The following ARHGEF10 variants were observed in gnomAD, a reference collection of about 807,000 sequenced individuals.
ARHGEF10 encodes Rho guanine nucleotide exchange factor 10, also known as Rho guanine nucleotide exchange factor (GEF) 10.
In ARHGEF10, 140 loss-of-function variants were observed where a neutral mutation model predicts 147.4. The observed-to-expected ratio is 0.95, with a 90% CI of 0.83 to 1.09. The LOEUF is 1.09. Ranked by LOEUF, ARHGEF10 falls within the 50% of genes least tolerant of loss-of-function variation. ARHGEF10 has a pLI of 0.00. For synonymous variants in ARHGEF10, 902 were observed against 695.8 expected (o/e 1.30, Z -4.67); for missense variants, 2,222 against 1,752.7 (o/e 1.27, Z -4.78).
intron 2 of ARHGEF10, among the ~76,000 whole-genome samples, chr8:1,852,657 A>G (rs1030351097): frequency 6.6e-6 from 1 of 152,232 alleles, no homozygotes; most frequent in African/African-American, 2.4e-5. Context: ...GGGCATGGTC[A>G]TATTATGTCA....
At chr8:1,874,216 C>A (rs1450121334) in intron 7 of ARHGEF10, among the ~76,000 whole-genome samples, 3 of 152,194 alleles carry the variant, frequency 2.0e-5, no homozygotes, top group Non-Finnish European at 4.4e-5. Flanking sequence ...TGCTGGGGGT[C>A]ACAACAGCAA....
At chr8:1,881,568 C>A (rs960628978) in intron 9 of ARHGEF10, among the ~76,000 whole-genome samples, 1 of 151,976 alleles carries the variant, frequency 6.6e-6, no homozygotes, top group Non-Finnish European at 1.5e-5. Context: ...GGGGAGCCCC[C>A]GGGGGATGGG....
rs117336440 is a variant in ARHGEF10, at chr8:1,861,559, G to A, written c.481+1375G>A. Among the ~76,000 whole-genome samples, 90 of 152,274 alleles carry A rather than the reference G, an allele frequency of 5.9e-4. No homozygotes were observed. In the East Asian group the frequency reaches 0.016, roughly 27 times the overall value. ...TCTAATGGAAGCCCACAGCCTCTAC[G>A]CCTGAGACATGATTCTTATTCCTGT... On this transcript the variant is annotated intron_variant, in intron 4 of 28. Transcript: ENST00000349830.
At position 1,933,881 on chromosome 8, in the gene ARHGEF10, C is replaced by T. The variant is rs141078341; in HGVS notation, c.3161C>T (p.Thr1054Met). The T allele has an allele frequency of 5.0e-6, 8 of 1,614,026 alleles. No individual in the cohort carries two copies. The highest frequency in any genetic ancestry group is 2.2e-5 in the South Asian group (2 of 91,086). The change falls in exon 26 of 29, where the codon ACG becomes ATG. Residue 1054 changes from threonine to methionine, a missense_variant. Transcript: ENST00000349830. Reference protein sequence around the residue: ...PVRSLLMMEDTLWAASGGQVF... With the variant: ...PVRSLLMMEDMLWAASGGQVF... ...AGAAGTCTACTCATGATGGAAGACA[C>T]GTTGTGGGCGGCTTCCGGAGGTCAA...
At chr8:1,893,762 G>A in intron 12 of ARHGEF10, 116 bp downstream of exon 12, 1 of 817,460 alleles carries the variant, frequency 1.2e-6, no homozygotes, top group Non-Finnish European at 2.0e-6. Context: ...ATGCAAATTT[G>A]CAAAATTCTC....
At position 1,952,697 on chromosome 8, in the gene ARHGEF10, C is replaced by A. The variant is rs1272367737; in HGVS notation, c.3398-8C>A. The A allele has an allele frequency of 6.2e-7, 1 of 1,613,382 alleles. No homozygotes were observed. Among genetic ancestry groups the A allele is most frequent in the Non-Finnish European group, 8.5e-7 (1 of 1,180,042 alleles). ...CAGACCCGAAGCCACTCATGTCTTT[C>A]CGCCCAGGGCACCAGCGGCTGTCGG... On this transcript the variant is annotated splice_polypyrimidine_tract_variant and splice_region_variant and intron_variant, in intron 27 of 28. Coordinates refer to ENST00000349830, the MANE Select transcript of ARHGEF10 (RefSeq NM_014629.4).
chr8:1,954,859 G>T (rs1334720971), intron 28 of ARHGEF10, among the ~76,000 whole-genome samples: 1 of 152,268 alleles, frequency 6.6e-6, no homozygotes, highest in Non-Finnish European at 1.5e-5. Context: ...GCTGGGGTCA[G>T]TCCCTGCTGG....
intron 11 of ARHGEF10, 128 bp downstream of exon 11, chr8:1,885,835 C>G (rs1808611896): frequency 1.3e-6 from 1 of 764,436 alleles, no homozygotes; most frequent in South Asian, 1.5e-5. Context: ...GGGCCCTCCA[C>G]TGTAGGTTCC....
At chr8:1,860,266 C>A in intron 4 of ARHGEF10, 82 bp downstream of exon 4, 1 of 1,489,800 alleles carries the variant, frequency 6.7e-7, no homozygotes, top group Non-Finnish European at 9.2e-7. Flanking sequence ...CTGTGGTTCC[C>A]TCCTCTGCAT....
chr8:1,899,719 A>C (rs779848331), intron 15 of ARHGEF10, among the ~76,000 whole-genome samples: 1 of 152,210 alleles, frequency 6.6e-6, no homozygotes, highest in Non-Finnish European at 1.5e-5. Context: ...CCAAGATCAA[A>C]ATATTCAAAG....
intron 25 of ARHGEF10, 51 bp from the exon 26 acceptor site, chr8:1,933,749 T>TA: frequency 6.2e-7 from 1 of 1,610,584 alleles, no homozygotes; most frequent in Middle Eastern, 1.7e-4. Context: ...ATTTTCCCAT[T>TA]CCTGTGCACA....
At chr8:1,882,170 G>T (rs1370272278) in intron 9 of ARHGEF10, among the ~76,000 whole-genome samples, 1 of 152,192 alleles carries the variant, frequency 6.6e-6, no homozygotes, top group Non-Finnish European at 1.5e-5. Context: ...GCTGGAGCTG[G>T]GTCCGTGTAA....
chr8:1,919,826 G>C (rs1195303034), intron 18 of ARHGEF10, among the ~76,000 whole-genome samples: 2 of 144,756 alleles, frequency 1.4e-5, no homozygotes, highest in African/African-American at 2.6e-5. Flanking sequence ...TGGGTGATGA[G>C]CTGTTCTGTC....
At chr8:1,830,622 C>T (rs1032455565) in intron 1 of ARHGEF10, among the ~76,000 whole-genome samples, 6 of 152,258 alleles carry the variant, frequency 3.9e-5, no homozygotes, top group Admixed American at 3.9e-4. Flanking sequence ...ACTAAGTGCT[C>T]TCACGCCCCA....
At position 1,891,035 on chromosome 8, in the gene ARHGEF10, G is replaced by A. The variant is rs189323154; in HGVS notation, c.1183-2534G>A. ...AAGTTCAGTTTTCCTTTTCTTTGAA[G>A]GGTGGATTTTAATGTCTATTTCCAT... On this transcript the variant is annotated intron_variant, in intron 11 of 28. Coordinates refer to ENST00000349830, the MANE Select transcript of ARHGEF10 (RefSeq NM_014629.4). Among the ~76,000 whole-genome samples, 631 of 152,246 alleles carry A rather than the reference G, an allele frequency of 4.1e-3. 3 individuals carry two copies. The highest frequency in any genetic ancestry group is 0.014 in the African/African-American group (583 of 41,528).
intron 1 of ARHGEF10, 57 bp from the exon 2 acceptor site, chr8:1,843,296 A>G (rs1804234540): frequency 6.5e-6 from 9 of 1,387,452 alleles, no homozygotes; most frequent in Non-Finnish European, 7.0e-6. Flanking sequence ...CCCTACACCT[A>G]TTGAGTGCAT....
chr8:1,871,359 A>T, intron 7 of ARHGEF10, among the ~76,000 whole-genome samples: 1 of 152,306 alleles, frequency 6.6e-6, no homozygotes, highest in South Asian at 2.1e-4. Flanking sequence ...CAGTAAAAAA[A>T]AATCAATACA....
chr8:1,825,664 C>A (rs993015669), intron 1 of ARHGEF10, among the ~76,000 whole-genome samples: 2 of 151,996 alleles, frequency 1.3e-5, no homozygotes, highest in Non-Finnish European at 1.5e-5. Flanking sequence ...GTCTGAGTAC[C>A]CCTCCCGACT....
chr8:1,856,188 C>T (rs973371240), intron 2 of ARHGEF10, among the ~76,000 whole-genome samples: 4 of 152,242 alleles, frequency 2.6e-5, no homozygotes, highest in East Asian at 3.8e-4. Context: ...CAGCAACACA[C>T]ACTCCTATCA....
Sources: gnomAD v4.1 joint callset for allele counts (sites outside exome capture counted in the v4.1 genomes callset) on GRCh38, gnomAD v4.1.1 for gene constraint, MANE v1.5 for transcripts, NCBI Gene and HGNC (gene_info 2026-07-23, HGNC 2026-07-21) for gene names.